The following MSH4 variants were observed in gnomAD, a reference collection of about 807,000 sequenced individuals.
MSH4 encodes mutS homolog 4.
A neutral mutation model predicts 113.7 loss-of-function variants in MSH4; 106 were observed. The ratio of observed to expected loss-of-function variants is 0.93; its 90% confidence interval spans 0.80 to 1.10. The LOEUF is 1.10. Among genes scored for constraint, MSH4 ranks in the 50% least tolerant of loss-of-function variants. MSH4 has a pLI of 0.00. For missense variants in MSH4, 1,061 were observed against 1,093.7 expected, an observed-to-expected ratio of 0.97 and a Z score of 0.42; for synonymous variants, 368 against 380.2, an observed-to-expected ratio of 0.97 and a Z score of 0.37.
chr1:75,878,868 G>T (rs1651870961), intron 11 of MSH4, 124 bp from the exon 12 acceptor site: 10 of 708,464 alleles, frequency 1.4e-5, no homozygotes, highest in East Asian at 3.3e-5. Flanking sequence ...AGAGCAACAA[G>T]ACCTCCTATT....
chr1:75,911,743 A>G (rs949820245), intron 19 of MSH4, among the ~76,000 whole-genome samples: 2 of 152,108 alleles, frequency 1.3e-5, no homozygotes, highest in Admixed American at 1.3e-4. Flanking sequence ...TGTACCAAAT[A>G]GATAGATGGG....
At chr1:75,806,734 C>G (rs1650076730) in intron 2 of MSH4, among the ~76,000 whole-genome samples, 1 of 151,974 alleles carries the variant, frequency 6.6e-6, no homozygotes, top group Non-Finnish European at 1.5e-5. Flanking sequence ...TCTTCTTGGC[C>G]CTTTGCTCTT....
intron 7 of MSH4, among the ~76,000 whole-genome samples, chr1:75,827,211 A>G (rs1160290307): frequency 6.6e-6 from 1 of 152,188 alleles, no homozygotes; most frequent in Non-Finnish European, 1.5e-5. Flanking sequence ...AAGAATTTTT[A>G]ACCCAGAATT....
In MSH4 at chr1:75,842,505, A is replaced by G. The variant is rs530759878; in HGVS notation, c.1163-5704A>G. On this transcript the variant is annotated intron_variant, in intron 7 of 19. Transcript: ENST00000263187. ...ATATAGATCTTAGATATGATTATAT[A>G]TGAATATCATTAATCATTAGTTTGT... Among the ~76,000 whole-genome samples the G allele has an allele frequency of 7.9e-4, 120 of 152,358 alleles. 1 individual carries two copies. The highest frequency in any genetic ancestry group is 2.6e-3 in the African/African-American group (108 of 41,594).
chr1:75,816,258 CT>C, intron 5 of MSH4, 114 bp from the exon 6 acceptor site: 1 of 593,522 alleles, frequency 1.7e-6, no homozygotes, highest in Non-Finnish European at 2.6e-6. Flanking sequence ...CCTGGTGTAC[CT>C]TTTCCTTTTG....
intron 7 of MSH4, among the ~76,000 whole-genome samples, chr1:75,831,502 AC>A: frequency 6.6e-6 from 1 of 152,254 alleles, no homozygotes; most frequent in South Asian, 2.1e-4. Flanking sequence ...GCACCACATC[AC>A]ACTTATTCCA....
intron 7 of MSH4, among the ~76,000 whole-genome samples, chr1:75,841,974 T>TG (rs1650969044): frequency 6.6e-6 from 1 of 152,186 alleles, no homozygotes; most frequent in Admixed American, 6.5e-5. Context: ...TGAGTGACCA[T>TG]GGCCCATGAA....
At chr1:75,800,980 G>A (rs1020085903) in intron 1 of MSH4, among the ~76,000 whole-genome samples, 1 of 152,092 alleles carries the variant, frequency 6.6e-6, no homozygotes, top group Admixed American at 6.6e-5. Context: ...TTTTGATTTA[G>A]TTAAATACTC....
chr1:75,806,960 T>C (rs1272952611), intron 2 of MSH4, 21 bp from the exon 3 acceptor site: 3 of 1,540,960 alleles, frequency 1.9e-6, no homozygotes, highest in African/African-American at 2.9e-5. Context: ...TTATATCTTT[T>C]CTTTATTTAA....
chr1:75,854,222 G>T (rs1345021432), intron 8 of MSH4, among the ~76,000 whole-genome samples: 1 of 151,366 alleles, frequency 6.6e-6, no homozygotes, highest in Non-Finnish European at 1.5e-5. Context: ...TATCCAATGA[G>T]AAGTCTTCAT....
At chr1:75,861,027 G>C (rs1301636181) in intron 8 of MSH4, among the ~76,000 whole-genome samples, 1 of 152,100 alleles carries the variant, frequency 6.6e-6, no homozygotes, top group Non-Finnish European at 1.5e-5. Flanking sequence ...TTCAGTCACT[G>C]ATATCCTTTC....
At chr1:75,847,314 ATGT>A (rs1446002689) in intron 7 of MSH4, among the ~76,000 whole-genome samples, 1 of 152,186 alleles carries the variant, frequency 6.6e-6, no homozygotes, top group Admixed American at 6.5e-5. Flanking sequence ...TGGGAGGTAG[ATGT>A]TATCAGCATT....
intron 15 of MSH4, among the ~76,000 whole-genome samples, chr1:75,885,059 G>GTGTGTGTATA (rs1300289205): frequency 3.0e-3 from 343 of 112,478 alleles, no homozygotes; most frequent in Non-Finnish European, 3.9e-3. Flanking sequence ...GTGTGTGTGT[G>GTGTGTGTATA]TATATATATA....
intron 18 of MSH4, 36 bp from the exon 19 acceptor site, chr1:75,899,582 C>A (rs1334570439): frequency 2.4e-6 from 3 of 1,264,620 alleles, no homozygotes; most frequent in Non-Finnish European, 1.1e-6. Context: ...CCAGCAGTAA[C>A]AATATTGAAG....
intron 3 of MSH4, 113 bp from the exon 4 acceptor site, chr1:75,810,584 A>G: frequency 2.0e-6 from 1 of 490,856 alleles, no homozygotes; most frequent in Non-Finnish European, 3.6e-6. Flanking sequence ...TATCATTAGG[A>G]CAGTTATAAT....
At chr1:75,884,981 A>G in intron 15 of MSH4, among the ~76,000 whole-genome samples, 1 of 146,708 alleles carries the variant, frequency 6.8e-6, no homozygotes, top group African/African-American at 2.5e-5. Context: ...GTATGTATGT[A>G]TATATATGTG....
chr1:75,813,422 T>A (rs944276432), intron 4 of MSH4, among the ~76,000 whole-genome samples: 9 of 152,182 alleles, frequency 5.9e-5, no homozygotes, highest in African/African-American at 2.2e-4. Flanking sequence ...AGTCAGATTG[T>A]CCCGGTTTCA....
At chr1:75,866,852 C>T (rs1432134651) in intron 8 of MSH4, among the ~76,000 whole-genome samples, 1 of 151,952 alleles carries the variant, frequency 6.6e-6, no homozygotes, top group Non-Finnish European at 1.5e-5. Flanking sequence ...ATATCAAGTA[C>T]ATTATGTCAT....
At chr1:75,810,870 T>C in intron 4 of MSH4, 63 bp downstream of exon 4, 1 of 777,280 alleles carries the variant, frequency 1.3e-6, no homozygotes, top group Non-Finnish European at 1.9e-6. Flanking sequence ...ATTTGTTATT[T>C]ATTATTTATT....
Sources: allele counts gnomAD v4.1 joint callset (sites outside exome capture counted in the v4.1 genomes callset), GRCh38; gene constraint gnomAD v4.1.1; transcripts MANE v1.5; gene names NCBI Gene and HGNC (gene_info 2026-07-23, HGNC 2026-07-21).